Variants in DTNBP1 observed in about 807,000 individuals in gnomAD.
The protein encoded by DTNBP1 is dystrobrevin binding protein 1, also known as dysbindin.
DTNBP1 carries 35 observed loss-of-function variants against 42.8 expected under a neutral mutation model. The ratio of observed to expected loss-of-function variants is 0.82; its 90% CI spans 0.63 to 1.09. DTNBP1 has a LOEUF of 1.09. Among genes scored for constraint, DTNBP1 ranks in the 50% least tolerant of loss-of-function variants. The probability of loss-of-function intolerance (pLI) is 0.00; values close to 1 mark genes in which losing one functional copy is unlikely to be tolerated. For missense variants in DTNBP1, 457 were observed against 424.2 expected, an observed-to-expected ratio of 1.08 and a Z score of -0.68; for synonymous variants, 171 against 162.2, an observed-to-expected ratio of 1.05 and a Z score of -0.41.
intron 9 of DTNBP1, chr6:15,523,819 G>T: frequency 7.8e-7 from 1 of 1,287,206 alleles, no homozygotes; most frequent in African/African-American, 1.5e-5. Flanking sequence ...GGATGACACC[G>T]TTCTGACAGA....
intron 3 of DTNBP1, among the ~76,000 whole-genome samples, chr6:15,640,439 T>C (rs1581425411): frequency 6.6e-6 from 1 of 152,228 alleles, no homozygotes; most frequent in Admixed American, 6.5e-5. Flanking sequence ...ACATTCATAA[T>C]GTGTAATTCT....
At chr6:15,524,489 T>C (rs1772212129) in intron 9 of DTNBP1, 37 bp downstream of exon 9, 1 of 1,611,780 alleles carries the variant, frequency 6.2e-7, no homozygotes, top group Non-Finnish European at 8.5e-7. Flanking sequence ...GCATCGATAC[T>C]GCCCTGGTTC....
Position 15,535,605 on chromosome 6 carries a change from C to A in DTNBP1, c.512-2210G>T, listed in dbSNP as rs183271318. 3.3e-5 allele frequency among the ~76,000 whole-genome samples: 5 copies of A among 152,292 alleles called. No individual in the cohort carries two copies. In the East Asian group the frequency reaches 9.6e-4, roughly 29 times the overall value. ...GTGCTGGAACTACAGGTGTGAGCAA[C>A]CTCACCCAGCCTCAGGTATTTCTTT... On this transcript the variant is annotated intron_variant, in intron 7 of 9. Transcript: ENST00000344537.
chr6:15,544,254 T>C (rs1363371862), intron 7 of DTNBP1, among the ~76,000 whole-genome samples: 1 of 152,210 alleles, frequency 6.6e-6, no homozygotes, highest in Non-Finnish European at 1.5e-5. Flanking sequence ...AATAATCTGT[T>C]CCCTTTTATT....
At chr6:15,618,082 C>G (rs577035735) in intron 5 of DTNBP1, among the ~76,000 whole-genome samples, 1 of 152,068 alleles carries the variant, frequency 6.6e-6, no homozygotes, top group Non-Finnish European at 1.5e-5. Context: ...AACCTCCATA[C>G]TATTTTTCAT....
intron 3 of DTNBP1, among the ~76,000 whole-genome samples, chr6:15,649,582 T>G (rs1239358664): frequency 6.6e-6 from 1 of 152,198 alleles, no homozygotes; most frequent in Non-Finnish European, 1.5e-5. Context: ...TGGGATTGGA[T>G]GCACAACCAT....
At chr6:15,594,481 A>G (rs1341796013) in intron 6 of DTNBP1, among the ~76,000 whole-genome samples, 1 of 151,326 alleles carries the variant, frequency 6.6e-6, no homozygotes, top group Non-Finnish European at 1.5e-5. Context: ...AAAAAAAACG[A>G]AACAAAACAA....
intron 6 of DTNBP1, among the ~76,000 whole-genome samples, chr6:15,609,651 C>A (rs1365326951): frequency 6.6e-6 from 1 of 152,186 alleles, no homozygotes; most frequent in Non-Finnish European, 1.5e-5. Flanking sequence ...TCCTCAGTCT[C>A]TCGTTCTTCT....
chr6:15,660,329 A>T, intron 1 of DTNBP1: 1 of 1,288,208 alleles, frequency 7.8e-7, no homozygotes, highest in Non-Finnish European at 1.0e-6. Context: ...GGTTGATCTC[A>T]AGCTGAATAT....
chr6:15,658,868 C>A (rs1761430297), intron 1 of DTNBP1, among the ~76,000 whole-genome samples: 1 of 152,232 alleles, frequency 6.6e-6, no homozygotes, highest in Admixed American at 6.5e-5. Flanking sequence ...GGGAAAAGAT[C>A]TTTGAGTGAA....
chr6:15,523,394 C>T (rs1772057367), intron 9 of DTNBP1, among the ~76,000 whole-genome samples, 175 bp from the exon 10 acceptor site: 1 of 152,088 alleles, frequency 6.6e-6, no homozygotes. Context: ...TGAGCGATGC[C>T]AGAGGCAGCC....
At chr6:15,642,937 T>A (rs948059103) in intron 3 of DTNBP1, among the ~76,000 whole-genome samples, 2 of 152,200 alleles carry the variant, frequency 1.3e-5, no homozygotes, top group Non-Finnish European at 2.9e-5. Context: ...AAGGATCACA[T>A]TAGCTCTCTA....
At chr6:15,614,641 T>A (rs1758613815) in intron 6 of DTNBP1, among the ~76,000 whole-genome samples, 2 of 152,204 alleles carry the variant, frequency 1.3e-5, no homozygotes. Flanking sequence ...TTAGACTCCT[T>A]TTCCATCTCC....
At chr6:15,662,759 C>A in intron 1 of DTNBP1, 55 bp downstream of exon 1, 1 of 1,608,514 alleles carries the variant, frequency 6.2e-7, no homozygotes, top group South Asian at 1.1e-5. Flanking sequence ...CAGGGGCATC[C>A]CAGGCGGCGG....
intron 4 of DTNBP1, among the ~76,000 whole-genome samples, chr6:15,632,516 T>A (rs1049666383): frequency 6.6e-6 from 1 of 152,166 alleles, no homozygotes; most frequent in African/African-American, 2.4e-5. Context: ...AAACTTACCA[T>A]CTACCCAAAA....
chr6:15,656,956 A>T (rs1336548818), intron 1 of DTNBP1, among the ~76,000 whole-genome samples: 1 of 152,242 alleles, frequency 6.6e-6, no homozygotes, highest in Non-Finnish European at 1.5e-5. Context: ...TGTATGAATT[A>T]GCATATTTTG....
At chr6:15,577,341 G>A (rs994952919) in intron 7 of DTNBP1, among the ~76,000 whole-genome samples, 56 of 152,348 alleles carry the variant, frequency 3.7e-4, no homozygotes, top group African/African-American at 1.3e-3. Flanking sequence ...GCTCTCTCTG[G>A]AGGGTAAGTG....
chr6:15,628,766 T>G (rs1017118989), intron 4 of DTNBP1, among the ~76,000 whole-genome samples: 2 of 152,208 alleles, frequency 1.3e-5, no homozygotes, highest in African/African-American at 4.8e-5. Context: ...TAAGTTCCAC[T>G]TAATAAATTA....
At chr6:15,523,469 TC>T (rs1772065722) in intron 9 of DTNBP1, 1 of 1,298,112 alleles carries the variant, frequency 7.7e-7, no homozygotes, top group African/African-American at 1.5e-5. Context: ...GATCAAGTGC[TC>T]CTAAGGCTGT....
Sources: allele counts gnomAD v4.1 joint callset (sites outside exome capture counted in the v4.1 genomes callset), GRCh38; gene constraint gnomAD v4.1.1; transcripts MANE v1.5; gene names NCBI Gene and HGNC (gene_info 2026-07-23, HGNC 2026-07-21).